The following XRN1 variants were observed in gnomAD, a reference collection of about 807,000 sequenced individuals.
XRN1 encodes 5'-3' exoribonuclease 1.
Under a neutral mutation model 222.3 loss-of-function variants are expected in XRN1, and 67 were observed. That is an observed-to-expected ratio of 0.30 (90% CI 0.25 to 0.37). XRN1 has a LOEUF of 0.37. XRN1 is among the 10% of genes least tolerant of loss of function. The pLI is 1.00. For synonymous variants in XRN1, 643 were observed against 652.4 expected (o/e 0.99, Z 0.22); for missense variants, 1,707 against 2,000.2 (o/e 0.85, Z 2.80).
intron 27 of XRN1, among the ~76,000 whole-genome samples, chr3:142,367,220 G>A (rs1421389472): frequency 6.6e-6 from 1 of 152,048 alleles, no homozygotes; most frequent in Non-Finnish European, 1.5e-5. Context: ...ACAGGAGGCA[G>A]AGGTTGCAGT....
chr3:142,427,414 T>C (rs771880573), intron 2 of XRN1, among the ~76,000 whole-genome samples: 12 of 152,036 alleles, frequency 7.9e-5, no homozygotes, highest in Non-Finnish European at 1.8e-4. Context: ...AAACATAAAA[T>C]AATTATTGTC....
intron 1 of XRN1, among the ~76,000 whole-genome samples, chr3:142,434,134 G>C (rs1220549543): frequency 6.6e-6 from 1 of 151,972 alleles, no homozygotes; most frequent in South Asian, 2.1e-4. Flanking sequence ...TTTCAACAGG[G>C]GTATTTTATT....
At chr3:142,334,801 CAA>C (rs57048667) in intron 34 of XRN1, among the ~76,000 whole-genome samples, 5,273 of 144,714 alleles carry the variant, frequency 0.036, 117 homozygotes, top group Middle Eastern at 0.053. Context: ...CACACACACA[CAA>C]AAGACCATAT....
intron 27 of XRN1, among the ~76,000 whole-genome samples, chr3:142,368,223 AC>A (rs2066878906): frequency 6.6e-6 from 1 of 152,074 alleles, no homozygotes; most frequent in African/African-American, 2.4e-5. Flanking sequence ...GTCTCGGCTC[AC>A]TGCAACCTCC....
chr3:142,388,513 C>T (rs1433889604), intron 20 of XRN1, among the ~76,000 whole-genome samples: 1 of 152,104 alleles, frequency 6.6e-6, no homozygotes, highest in Non-Finnish European at 1.5e-5. Context: ...ATCAACTGTA[C>T]TTTATTGCTC....
intron 12 of XRN1, chr3:142,418,296 T>G: frequency 2.2e-6 from 1 of 455,414 alleles, no homozygotes; most frequent in Non-Finnish European, 3.8e-6. Flanking sequence ...AAGGATCATT[T>G]TCTCTTCAGC....
chr3:142,392,327 T>C lies in XRN1; in HGVS notation c.2339+5002A>G, dbSNP rs75732025. 7.4e-5 allele frequency among the ~76,000 whole-genome samples: 3 copies of C among 40,298 alleles called. No homozygotes were observed. The East Asian group carries it at 1.5e-3, about 20-fold the overall frequency. 26.4% of individuals were successfully genotyped at this position (40,298 alleles called of 152,430 possible). A position where few individuals can be genotyped will look rare whatever the true frequency, so the allele number is the denominator to read the frequency against. On this transcript the variant is annotated intron_variant, in intron 20 of 40. Coordinates refer to ENST00000392981, the MANE Select transcript of XRN1 (RefSeq NM_001282857.2). ...CATTTCACCTAAGCCAGCAATTTCTTTTTTTTTTTTTTTATTATACTTTAA... is the reference window on the plus strand; with the variant it reads ...CATTTCACCTAAGCCAGCAATTTCTCTTTTTTTTTTTTTATTATACTTTAA...
chr3:142,326,430 A>T (rs986224262), intron 37 of XRN1, among the ~76,000 whole-genome samples: 1 of 151,878 alleles, frequency 6.6e-6, no homozygotes, highest in Non-Finnish European at 1.5e-5. Flanking sequence ...TCTGCAGGGG[A>T]TTAATTTCTT....
chr3:142,332,505 T>C lies in XRN1; in HGVS notation c.4092A>G (p.Leu1364=). ...CCACAGTGTTAGAGCCATCAATTTT[T>C]AGAATTTCTTTAAGCATCCGTGTTC... ...MKGTRMLKEI[L]KIDGSNTVDH... The change falls in exon 36 of 41, where the codon CTA becomes CTG. Residue 1364 remains leucine (L), a synonymous_variant. Coordinates refer to ENST00000392981, the MANE Select transcript of XRN1 (RefSeq NM_001282857.2). 3.7e-6 allele frequency: 6 copies of C among 1,611,148 alleles called. No individual in the cohort carries two copies. The highest frequency in any genetic ancestry group is 5.1e-6 in the Non-Finnish European group (6 of 1,178,936).
intron 27 of XRN1, among the ~76,000 whole-genome samples, chr3:142,365,762 A>C (rs1033056550): frequency 3.3e-5 from 5 of 152,158 alleles, no homozygotes; most frequent in Non-Finnish European, 7.4e-5. Flanking sequence ...AAGTAACCTT[A>C]CTTCTAACAC....
At chr3:142,355,336 TA>T in intron 32 of XRN1, 64 bp downstream of exon 32, 1 of 918,164 alleles carries the variant, frequency 1.1e-6, no homozygotes, top group Non-Finnish European at 1.5e-6. Context: ...ATTGTAGTCT[TA>T]AAAGAAAAAT....
chr3:142,332,610 G>T, intron 35 of XRN1, 76 bp from the exon 36 acceptor site: 1 of 1,305,476 alleles, frequency 7.7e-7, no homozygotes, highest in Non-Finnish European at 1.0e-6. Flanking sequence ...AGAACTTATT[G>T]ATCTTTCTTG....
At chr3:142,359,783 A>T in intron 30 of XRN1, 79 bp downstream of exon 30, 2 of 1,123,262 alleles carry the variant, frequency 1.8e-6, no homozygotes, top group Non-Finnish European at 2.6e-6. Flanking sequence ...CTGAAATTGT[A>T]AACAAATAAA....
At chr3:142,328,719 A>G (rs1482677974) in intron 37 of XRN1, among the ~76,000 whole-genome samples, 1 of 6,714 alleles carries the variant, frequency 1.5e-4, no homozygotes, top group Non-Finnish European at 2.4e-4. Context: ...ATATATATAT[A>G]TATATATATA....
chr3:142,443,678 A>G (rs1255946113), intron 1 of XRN1, among the ~76,000 whole-genome samples: 1 of 152,230 alleles, frequency 6.6e-6, no homozygotes, highest in Non-Finnish European at 1.5e-5. Flanking sequence ...AAACAAAAAC[A>G]AACTAAAAAT....
intron 19 of XRN1, among the ~76,000 whole-genome samples, chr3:142,399,858 C>T (rs571157329): frequency 1.3e-5 from 2 of 148,908 alleles, no homozygotes; most frequent in East Asian, 3.9e-4. Context: ...AACATAATAT[C>T]TACCCATCTT....
At chr3:142,348,528 TAGACAATTTCCCACAGTTGAAGCAACA>T (rs2066214008) in intron 32 of XRN1, among the ~76,000 whole-genome samples, 1 of 152,150 alleles carries the variant, frequency 6.6e-6, no homozygotes, top group Non-Finnish European at 1.5e-5. Flanking sequence ...CAAAAAGAGA[TAGACAATTTCCCACAGTTGAAGCAACA>T]AGAAGCAGCA....
chr3:142,403,622 A>G (rs1179968736), intron 18 of XRN1, 52 bp downstream of exon 18: 1 of 1,513,688 alleles, frequency 6.6e-7, no homozygotes, highest in Admixed American at 1.7e-5. Context: ...CAGCAGCTAC[A>G]GTTTAATACA....
chr3:142,341,241 G>A (rs1284091479), intron 33 of XRN1, among the ~76,000 whole-genome samples: 1 of 151,968 alleles, frequency 6.6e-6, no homozygotes, highest in Non-Finnish European at 1.5e-5. Flanking sequence ...AAAATAATGG[G>A]TTATAAGAGA....
Sources: gnomAD v4.1 joint callset for allele counts (sites outside exome capture counted in the v4.1 genomes callset) on GRCh38, gnomAD v4.1.1 for gene constraint, MANE v1.5 for transcripts, NCBI Gene and HGNC (gene_info 2026-07-23, HGNC 2026-07-21) for gene names.